ZNF536: variants seen among roughly 807,000 people sequenced by gnomAD.
The protein encoded by ZNF536 is zinc finger protein 536.
ZNF536 carries 13 observed loss-of-function variants against 84.5 expected under a neutral mutation model. That is an observed-to-expected ratio of 0.15 (90% CI 0.10 to 0.24). The LOEUF (loss-of-function observed/expected upper bound fraction) is 0.24, where lower values mean the gene tolerates loss of function less well. ZNF536 is among the 10% of genes least tolerant of loss of function. ZNF536 has a pLI of 1.00. For synonymous variants in ZNF536, 811 were observed against 742.5 expected (o/e 1.09, Z -1.50); for missense variants, 1,536 against 1,747.5 (o/e 0.88, Z 2.16).
At chr19:30,597,456 A>T (rs1599929895) in intron 1 of ZNF536, among the ~76,000 whole-genome samples, 1 of 152,312 alleles carries the variant, frequency 6.6e-6, no homozygotes, top group South Asian at 2.1e-4. Flanking sequence ...GGCTGATGGG[A>T]GTGCAGGACA....
intron 2 of ZNF536, among the ~76,000 whole-genome samples, chr19:30,523,446 C>T (rs537312873): frequency 6.4e-4 from 97 of 152,234 alleles, no homozygotes; most frequent in Non-Finnish European, 2.8e-4. Flanking sequence ...CAGGATTACA[C>T]GCCTAAGACC....
intron 1 of ZNF536, among the ~76,000 whole-genome samples, chr19:30,670,635 TG>T (rs966258154): frequency 1.3e-5 from 2 of 152,214 alleles, no homozygotes; most frequent in African/African-American, 4.8e-5. Flanking sequence ...CATTTGGTTT[TG>T]TTGGGGGAGG....
chr19:30,287,469 G>A (rs182729823), intron 2 of ZNF536, among the ~76,000 whole-genome samples: 1 of 151,632 alleles, frequency 6.6e-6, no homozygotes, highest in Non-Finnish European at 1.5e-5. Flanking sequence ...ATGGAGGATG[G>A]ATAGATGGAT....
At chr19:30,470,619 T>G (rs2148513714) in intron 2 of ZNF536, among the ~76,000 whole-genome samples, 1 of 152,054 alleles carries the variant, frequency 6.6e-6, no homozygotes, top group East Asian at 1.9e-4. Flanking sequence ...TTTCTTAGAC[T>G]TTCCTTGTTT....
intron 1 of ZNF536, among the ~76,000 whole-genome samples, chr19:30,279,894 TG>T (rs1236469404): frequency 2.0e-5 from 3 of 152,318 alleles, no homozygotes; most frequent in Admixed American, 6.5e-5. Flanking sequence ...AACTCTTTTC[TG>T]GAAGGAAAGT....
At chr19:30,380,447 C>T (rs552035078) in intron 1 of ZNF536, among the ~76,000 whole-genome samples, 102 of 152,266 alleles carry the variant, frequency 6.7e-4, no homozygotes, top group Admixed American at 1.6e-3. Context: ...GGAGAACCCA[C>T]GGCTCGGCCC....
At chr19:30,315,413 G>C (rs141405239) in intron 2 of ZNF536, among the ~76,000 whole-genome samples, 47 of 152,284 alleles carry the variant, frequency 3.1e-4, no homozygotes, top group African/African-American at 1.1e-3. Context: ...TTTATATGCA[G>C]AGGTAAGAAA....
chr19:30,258,090 G>T (rs2145204100), intron 1 of ZNF536, among the ~76,000 whole-genome samples: 1 of 152,298 alleles, frequency 6.6e-6, no homozygotes, highest in South Asian at 2.1e-4. Flanking sequence ...TTCTCCACTG[G>T]CTGCCATTTT....
chr19:30,613,122 C>T (rs190239549), intron 1 of ZNF536, among the ~76,000 whole-genome samples: 30 of 152,252 alleles, frequency 2.0e-4, no homozygotes, highest in Admixed American at 3.3e-4. Context: ...TCAGTGCATC[C>T]GGTCAGGAGG....
At chr19:30,677,827 T>C (rs1025952207) in intron 1 of ZNF536, among the ~76,000 whole-genome samples, 1 of 151,964 alleles carries the variant, frequency 6.6e-6, no homozygotes, top group Non-Finnish European at 1.5e-5. Flanking sequence ...CCCCTCTGAT[T>C]TGGGGGGACT....
chr19:30,254,994 C>T (rs2024833513), intron 1 of ZNF536, among the ~76,000 whole-genome samples: 1 of 152,176 alleles, frequency 6.6e-6, no homozygotes, highest in African/African-American at 2.4e-5. Context: ...CATTGAGTCA[C>T]GGGTGGTTAA....
intron 1 of ZNF536, among the ~76,000 whole-genome samples, chr19:30,257,002 A>G (rs1022661870): frequency 2.6e-5 from 4 of 152,214 alleles, no homozygotes; most frequent in Non-Finnish European, 5.9e-5. Flanking sequence ...TCAGATCTTA[A>G]AAGACCATTA....
intron 1 of ZNF536, among the ~76,000 whole-genome samples, chr19:30,437,832 A>G (rs1215756726): frequency 6.6e-6 from 1 of 152,218 alleles, no homozygotes; most frequent in Non-Finnish European, 1.5e-5. Flanking sequence ...TAAATTATGC[A>G]TTCATTTGTT....
chr19:30,529,622 G>T (rs900249863), intron 2 of ZNF536, among the ~76,000 whole-genome samples: 9 of 152,184 alleles, frequency 5.9e-5, no homozygotes, highest in Non-Finnish European at 8.8e-5. Context: ...TGGGCATGTA[G>T]ACAACATTGC....
chr19:30,639,333 C>G (rs539137795), intron 1 of ZNF536, among the ~76,000 whole-genome samples: 222 of 152,228 alleles, frequency 1.5e-3, no homozygotes, highest in Non-Finnish European at 2.4e-3. Context: ...CTGGTGTACC[C>G]GAAGTATTAT....
chr19:30,298,872 C>T (rs1261274711), intron 2 of ZNF536, among the ~76,000 whole-genome samples: 2 of 152,216 alleles, frequency 1.3e-5, no homozygotes, highest in African/African-American at 4.8e-5. Context: ...TTGGGTCAAA[C>T]ATTTTTGAGC....
chr19:30,707,275 C>T (rs1041733612), intron 1 of ZNF536, among the ~76,000 whole-genome samples: 3 of 152,140 alleles, frequency 2.0e-5, no homozygotes, highest in African/African-American at 4.8e-5. Context: ...TGATTGGCAT[C>T]CTAATTCCAT....
chr19:30,231,584 C>G (rs137947562), intron 1 of ZNF536, among the ~76,000 whole-genome samples: 1,702 of 152,236 alleles, frequency 0.011, 19 homozygotes, highest in Non-Finnish European at 0.016. Context: ...GTTGGGCTCA[C>G]CTGTGTGCTT....
intron 2 of ZNF536, among the ~76,000 whole-genome samples, chr19:30,523,891 G>A (rs1199266501): frequency 6.6e-6 from 1 of 152,172 alleles, no homozygotes; most frequent in Admixed American, 6.5e-5. Flanking sequence ...TGGATTTTTA[G>A]TTTCTTTCAA....
Sources: gnomAD v4.1 joint callset for allele counts (sites outside exome capture counted in the v4.1 genomes callset) on GRCh38, gnomAD v4.1.1 for gene constraint, MANE v1.5 for transcripts, NCBI Gene and HGNC (gene_info 2026-07-23, HGNC 2026-07-21) for gene names.